Variants in MTMR11 observed in about 807,000 individuals in gnomAD.
The protein encoded by MTMR11 is myotubularin-related protein 11.
MTMR11 carries 89 observed loss-of-function variants against 100.0 expected under a neutral mutation model. The observed-to-expected ratio is 0.89, with a 90% CI of 0.75 to 1.06. The LOEUF is 1.06. MTMR11 is among the 50% of genes least tolerant of loss of function. MTMR11 has a pLI of 0.00. For synonymous variants in MTMR11, 336 were observed against 326.3 expected (o/e 1.03, Z -0.32); for missense variants, 809 against 873.7 (o/e 0.93, Z 0.93).
chr1:149,931,897 T>C (rs781934266), intron 12 of MTMR11, 47 bp downstream of exon 12: 1 of 1,533,248 alleles, frequency 6.5e-7, no homozygotes, highest in Non-Finnish European at 9.0e-7. Context: ...GTCAGGTGGG[T>C]AAAGAAAAGA....
rs782378493 is a variant in MTMR11, at chr1:149,930,410, G to A, written c.1602C>T (p.Gly534=). The A allele has an allele frequency of 6.2e-7, 1 of 1,613,990 alleles. No individual in the cohort carries two copies. The highest frequency in any genetic ancestry group is 1.1e-5 in the South Asian group (1 of 91,080). ...NAQILQFQNP[G]YDPEHCPDSW... ...AATCTGGACAGTGTTCTGGGTCATA[G>A]CCAGGATTCTGGAATTGTAGTATCT... The change falls in exon 15 of 17, where the codon GGC becomes GGT. Residue 534 remains glycine (G), a synonymous_variant. Coordinates refer to ENST00000439741, the MANE Select transcript of MTMR11 (RefSeq NM_001145862.2).
At chr1:149,933,973 C>T in intron 7 of MTMR11, 31 bp from the exon 8 acceptor site, 1 of 1,593,474 alleles carries the variant, frequency 6.3e-7, no homozygotes, top group Non-Finnish European at 8.6e-7. Context: ...TACAGTTTGG[C>T]TCAGTGACTT....
intron 2 of MTMR11, 106 bp downstream of exon 2, chr1:149,936,048 C>A: frequency 7.9e-7 from 1 of 1,271,266 alleles, no homozygotes; most frequent in South Asian, 1.2e-5. Context: ...GGCAGACGTA[C>A]TTCGAGCCAC....
chr1:149,929,072 C>T lies in MTMR11; in HGVS notation c.*57G>A. 1 of 1,566,254 alleles carries T rather than the reference C, an allele frequency of 6.4e-7. No individual in the cohort carries two copies. Among genetic ancestry groups the T allele is most frequent in the Admixed American group, 1.9e-5 (1 of 51,542 alleles). ...GAACTTAAGGGCTGAAGTGTGAAAG[C>T]TGAGGCTGCAAGTGCAGATACAAAA... On this transcript the variant is annotated 3_prime_UTR_variant, in exon 17 of 17. Transcript: ENST00000439741.
chr1:149,935,673 T>C lies in MTMR11; in HGVS notation c.175A>G (p.Arg59Gly), dbSNP rs1553768994. The part of the protein sequence containing the change: ...EQILAWAPGV[R>G]KGLEPELSGT... ...GACAATTCTGGTTCCAGGCCCTTCCTCACCCCTGGGGCCCATGCTAGGATC... is the reference window on the plus strand; with the variant it reads ...GACAATTCTGGTTCCAGGCCCTTCCCCACCCCTGGGGCCCATGCTAGGATC... The change falls in exon 3 of 17, where the codon AGG (arginine) becomes GGG (glycine). Residue 59 changes from arginine to glycine, a missense_variant. Coordinates refer to ENST00000439741, the MANE Select transcript of MTMR11 (RefSeq NM_001145862.2). 1 of 1,613,186 alleles carries C rather than the reference T, an allele frequency of 6.2e-7. No homozygotes were observed. The highest frequency in any genetic ancestry group is 1.1e-5 in the South Asian group (1 of 90,928).
Position 149,935,335 on chromosome 1 carries a change from C to T in MTMR11, c.289G>A (p.Asp97Asn), listed in dbSNP as rs1314893872. ...NQDTPLNSEY[D>N]FALVNIGRLE... ...CGTCCAATGTTGACCAGGGCAAAATCGTATTCACTGTTCAAGGGAGTGTCC... is the reference window on the plus strand; with the variant it reads ...CGTCCAATGTTGACCAGGGCAAAATTGTATTCACTGTTCAAGGGAGTGTCC... Residue 97 changes from aspartate (D) to asparagine (N), a missense_variant, in exon 4 of 17, where the codon GAT becomes AAT. Asp to Asn is a conservative substitution (Grantham distance 23, BLOSUM62 1). Coordinates refer to ENST00000439741, the MANE Select transcript of MTMR11 (RefSeq NM_001145862.2). 3.7e-6 allele frequency: 6 copies of T among 1,613,636 alleles called. No homozygotes were observed. The highest frequency in any genetic ancestry group is 1.6e-4 in the Middle Eastern group (1 of 6,062).
chr1:149,934,966 T>C lies in MTMR11; in HGVS notation c.468+20A>G. ...AAGGTTCTGAGGTGAGGAGAAAGCC[T>C]CAGGTTAGGGGCCTCTTACCTGAAA... On this transcript the variant is annotated intron_variant, in intron 5 of 16. Transcript: ENST00000439741. The C allele has an allele frequency of 6.2e-7, 1 of 1,611,694 alleles. No individual in the cohort carries two copies. The highest frequency in any genetic ancestry group is 8.5e-7 in the Non-Finnish European group (1 of 1,179,508).
In MTMR11 at chr1:149,928,664, T is replaced by G; in HGVS notation, c.*465A>C. 1.7e-6 allele frequency: 1 copy of G among 601,218 alleles called. No individual in the cohort carries two copies. The highest frequency in any genetic ancestry group is 2.1e-5 in the South Asian group (1 of 47,644). 37.2% of individuals were successfully genotyped at this position (601,218 alleles called of 1,614,324 possible). A position where few individuals can be genotyped will look rare whatever the true frequency, so the allele number is the denominator to read the frequency against. ...CAATGCCAGCAATGTGTATAAATACTATGCTTTAATGAGCCCCTTAAATAG... is the reference window on the plus strand; with the variant it reads ...CAATGCCAGCAATGTGTATAAATACGATGCTTTAATGAGCCCCTTAAATAG... On this transcript the variant is annotated 3_prime_UTR_variant, in exon 17 of 17. Coordinates refer to ENST00000439741, the MANE Select transcript of MTMR11 (RefSeq NM_001145862.2).
intron 10 of MTMR11, 60 bp downstream of exon 10, chr1:149,933,345 AG>A (rs1260628930): frequency 1.3e-6 from 2 of 1,594,228 alleles, no homozygotes; most frequent in Non-Finnish European, 1.7e-6. Flanking sequence ...AGGGTAAACC[AG>A]GTTAGGCTCA....
intron 10 of MTMR11, 67 bp from the exon 11 acceptor site, chr1:149,932,397 A>G (rs2092671772): frequency 1.7e-5 from 22 of 1,311,068 alleles, no homozygotes; most frequent in Admixed American, 1.0e-4. Flanking sequence ...TCAGGTTGAT[A>G]GCCTGCTGGG....
chr1:149,935,410 T>C, intron 3 of MTMR11, 51 bp from the exon 4 acceptor site: 1 of 1,604,368 alleles, frequency 6.2e-7, no homozygotes, highest in Non-Finnish European at 8.5e-7. Flanking sequence ...CTCATTTTCC[T>C]ACCCTGGCAG....
rs367729169 is a variant in MTMR11, at chr1:149,930,797, C to T, written c.1459G>A (p.Gly487Arg). ...NTPWERGKQS[G>R]QLNSYTQVYT... ...CAAAAATAGAAGTCACTGACCTGTCCGCTCTGCTTTCCGCGCTCCCAGGGG... is the reference window on the plus strand; with the variant it reads ...CAAAAATAGAAGTCACTGACCTGTCTGCTCTGCTTTCCGCGCTCCCAGGGG... Residue 487 changes from glycine to arginine, a missense_variant, in exon 14 of 17, where the codon GGA (glycine) becomes AGA (arginine). Physicochemically the swap from Gly to Arg is moderately radical, Grantham distance 125. Coordinates refer to ENST00000439741, the MANE Select transcript of MTMR11 (RefSeq NM_001145862.2). 3.1e-5 allele frequency: 49 copies of T among 1,567,024 alleles called. No homozygotes were observed. Among genetic ancestry groups the T allele is most frequent in the South Asian group, 4.8e-5 (4 of 83,660 alleles).
At position 149,933,662 on chromosome 1, in the gene MTMR11, G is replaced by A; in HGVS notation, c.808C>T (p.Leu270Phe). 6.2e-7 allele frequency: 1 copy of A among 1,614,184 alleles called. No homozygotes were observed. The change falls in exon 9 of 17, where the codon CTC becomes TTC. Residue 270 changes from leucine (L) to phenylalanine (F), a missense_variant. Leu to Phe is a conservative substitution (Grantham distance 22). Transcript: ENST00000439741. ...GCTGTATAGAAGCCTCCACAGCGGA[G>A]AAGATCACTGCCCCCAGGGTGATGC... ...SWHHPGGSDL[L>F]RCGGFYTASD...
chr1:149,935,565 G>C lies in MTMR11; in HGVS notation c.264+19C>G. The C allele has an allele frequency of 6.2e-7, 1 of 1,611,192 alleles. No individual in the cohort carries two copies. Among genetic ancestry groups the C allele is most frequent in the South Asian group, 1.1e-5 (1 of 91,012 alleles). On this transcript the variant is annotated intron_variant, in intron 3 of 16. Coordinates refer to ENST00000439741, the MANE Select transcript of MTMR11 (RefSeq NM_001145862.2). ...CCATTTCCCACTAGCTGTCATTTCT[G>C]TGGCCCCAACCATCTCACCTGATTC...
chr1:149,930,988 G>A (rs1553767484), intron 13 of MTMR11, 23 bp from the exon 14 acceptor site: 20 of 1,583,702 alleles, frequency 1.3e-5, no homozygotes, highest in Non-Finnish European at 1.7e-5. Flanking sequence ...TAAGAGGTTG[G>A]AAGGGATTAT....
intron 14 of MTMR11, 96 bp downstream of exon 14, chr1:149,930,696 A>G (rs72692816): frequency 0.065 from 91,022 of 1,400,748 alleles, 3,442 homozygotes; most frequent in Non-Finnish European, 0.076. Flanking sequence ...CTCCCCACTC[A>G]CAGACCTCAC....
rs908664162 is a variant in MTMR11, at chr1:149,929,003, C to T, written c.*126G>A. 6.2e-7 allele frequency: 1 copy of T among 1,604,934 alleles called. No individual in the cohort carries two copies. The highest frequency in any genetic ancestry group is 1.7e-4 in the Middle Eastern group (1 of 6,020). On this transcript the variant is annotated 3_prime_UTR_variant, in exon 17 of 17. Coordinates refer to ENST00000439741, the MANE Select transcript of MTMR11 (RefSeq NM_001145862.2). ...AAACTAAGCAAGACAAGAGTTGGAG[C>T]AGTTAACACCACTATCTGCAGCAGA...
rs2092665503 is a variant in MTMR11 at position 149,931,924 on chromosome 1, G to C, written c.1123+20C>G. ...AAGAAAAGAGGCAAGGAATGGAATG[G>C]GCTTAACCAAGGAACTCACCTTGAA... On this transcript the variant is annotated intron_variant, in intron 12 of 16. Coordinates refer to ENST00000439741, the MANE Select transcript of MTMR11 (RefSeq NM_001145862.2). 6.3e-7 allele frequency: 1 copy of C among 1,596,644 alleles called. No individual in the cohort carries two copies. Among genetic ancestry groups the C allele is most frequent in the Non-Finnish European group, 8.6e-7 (1 of 1,164,222 alleles).
rs782435886 is a variant in MTMR11, at chr1:149,935,287, C to CG, written c.325+11_325+12insC. 31 of 1,613,298 alleles carry CG rather than the reference C, an allele frequency of 1.9e-5. No homozygotes were observed. The highest frequency in any genetic ancestry group is 2.6e-5 in the Non-Finnish European group (31 of 1,179,528). ...CCAGTGAACCCCTTCACCAAACCCC[C>CG]CCCCAACTTACCAGCCTCTAATCGT... On this transcript the variant is annotated intron_variant, in intron 4 of 16. Coordinates refer to ENST00000439741, the MANE Select transcript of MTMR11 (RefSeq NM_001145862.2).
Sources: gnomAD v4.1 joint callset for allele counts on GRCh38, gnomAD v4.1.1 for gene constraint, MANE v1.5 for transcripts, NCBI Gene and HGNC (gene_info 2026-07-23, HGNC 2026-07-21) for gene names.